Variants in RFTN1 observed in about 807,000 individuals in gnomAD.
The protein encoded by RFTN1 is raftlin.
A neutral mutation model predicts 46.5 loss-of-function variants in RFTN1; 26 were observed. The observed-to-expected ratio is 0.56, with a 90% confidence interval of 0.41 to 0.78. RFTN1 has a LOEUF of 0.78. RFTN1 is among the 30% of genes least tolerant of loss of function. The probability of loss-of-function intolerance (pLI) is 0.00; values close to 1 mark genes in which losing one functional copy is unlikely to be tolerated. For missense variants in RFTN1, 693 were observed against 718.7 expected (o/e 0.96, Z 0.41); for synonymous variants, 261 against 284.2 (o/e 0.92, Z 0.82).
chr3:16,345,817 T>TGTGCGCGCGCGCGCGTGC lies in RFTN1; in HGVS notation c.1146+12114_1146+12115insGCACGCGCGCGCGCGCAC, dbSNP rs1160939614. Among the ~76,000 whole-genome samples, 1 of 74,540 alleles carries TGTGCGCGCGCGCGCGTGC rather than the reference T, an allele frequency of 1.3e-5. No homozygotes were observed. Among genetic ancestry groups the TGTGCGCGCGCGCGCGTGC allele is most frequent in the African/African-American group, 5.5e-5 (1 of 18,090 alleles). The allele number at this position is 74,540 out of a possible 152,430, so 48.9% of individuals were successfully genotyped here. On this transcript the variant is annotated intron_variant, in intron 7 of 9. Coordinates refer to ENST00000334133, the MANE Select transcript of RFTN1 (RefSeq NM_015150.2). This position sits in a 1 kb window ranked among gnomAD's most constrained non-coding sequence, Gnocchi z 5.2. ...GTGTGTGTGTGTGTGTGTGTGTGTG[T>TGTGCGCGCGCGCGCGTGC]GCGCGCGCGCGTGCGCGCACGCGCA...
At position 16,374,609 on chromosome 3, in the gene RFTN1, G is replaced by A. The variant is rs1282489444; in HGVS notation, c.826+3109C>T. 6.6e-6 allele frequency among the ~76,000 whole-genome samples: 1 copy of A among 152,200 alleles called. No homozygotes were observed. The highest frequency in any genetic ancestry group is 6.5e-5 in the Admixed American group (1 of 15,286). On this transcript the variant is annotated intron_variant, in intron 5 of 9. Transcript: ENST00000334133. This position sits in a 1 kb window ranked among gnomAD's most constrained non-coding sequence, Gnocchi z 5.4. Reference sequence around the variant, plus strand: ...TGACATTTCTAAGCATTTTAAGTGAGGAGGTGCAGGGTAGGAAGGGCAGTG... The same window carrying A: ...TGACATTTCTAAGCATTTTAAGTGAAGAGGTGCAGGGTAGGAAGGGCAGTG...
intron 6 of RFTN1, among the ~76,000 whole-genome samples, chr3:16,363,646 TG>T (rs1191117850): frequency 6.6e-6 from 1 of 152,270 alleles, no homozygotes; most frequent in East Asian, 1.9e-4. Flanking sequence ...AAGTCTAGCC[TG>T]AATGTGCATG....
rs534734224 is a variant in RFTN1, at chr3:16,451,864, G to T, written c.146-17827C>A. Among the ~76,000 whole-genome samples the T allele has an allele frequency of 1.3e-5, 2 of 152,024 alleles. No individual in the cohort carries two copies. Among genetic ancestry groups the T allele is most frequent in the Non-Finnish European group, 2.9e-5 (2 of 68,032 alleles). ...TTTACAGCTTCATTTTGGCATATCC[G>T]AATTGCCAGCATCACTAGCTTTGTG... On this transcript the variant is annotated intron_variant, in intron 2 of 9. Coordinates refer to ENST00000334133, the MANE Select transcript of RFTN1 (RefSeq NM_015150.2). This position sits in a 1 kb window ranked among gnomAD's most constrained non-coding sequence, Gnocchi z 4.2.
In RFTN1 at chr3:16,448,229, G is replaced by C. The variant is rs2075768072; in HGVS notation, c.146-14192C>G. Among the ~76,000 whole-genome samples the C allele has an allele frequency of 6.6e-6, 1 of 151,596 alleles. No homozygotes were observed. Among genetic ancestry groups the C allele is most frequent in the Non-Finnish European group, 1.5e-5 (1 of 67,954 alleles). On this transcript the variant is annotated intron_variant, in intron 2 of 9. Transcript: ENST00000334133. The surrounding 1 kb of genome is among the most constrained non-coding windows in gnomAD (Gnocchi z 4.1). ...TAAAATATATCATGAAAATTAACTT[G>C]CCTGTTTTTATTTTTTAATGTGGTT...
Position 16,480,226 on chromosome 3 carries a change from T to TAAG in RFTN1, c.145+13498_145+13499insCTT, listed in dbSNP as rs1559368218. ...TGGGAATATATTATTATACCTATCT[T>TAAG]GTGTCAAAGCAACATGCATTCCTTA... On this transcript the variant is annotated intron_variant, in intron 2 of 9. Transcript: ENST00000334133. The surrounding 1 kb of genome is among the most constrained non-coding windows in gnomAD (Gnocchi z 4.3). Among the ~76,000 whole-genome samples, 3 of 152,246 alleles carry TAAG rather than the reference T, an allele frequency of 2.0e-5. No homozygotes were observed. The highest frequency in any genetic ancestry group is 2.9e-5 in the Non-Finnish European group (2 of 68,042).
intron 4 of RFTN1, among the ~76,000 whole-genome samples, chr3:16,395,643 C>CT (rs1209300259): frequency 6.6e-6 from 1 of 152,144 alleles, no homozygotes; most frequent in African/African-American, 2.4e-5. Context: ...GAGACAGGGT[C>CT]TTGCTATGTT....
chr3:16,431,648 C>G (rs535812871), intron 3 of RFTN1, among the ~76,000 whole-genome samples: 1 of 152,184 alleles, frequency 6.6e-6, no homozygotes, highest in East Asian at 1.9e-4. Flanking sequence ...TAAGGCCACT[C>G]GGATAATCTG....
chr3:16,464,817 C>G (rs2076062809), intron 2 of RFTN1, among the ~76,000 whole-genome samples: 1 of 152,218 alleles, frequency 6.6e-6, no homozygotes, highest in African/African-American at 2.4e-5. Flanking sequence ...CCCACAAAGC[C>G]CAAAATATTT....
At chr3:16,325,475 T>C (rs2069599799) in intron 8 of RFTN1, among the ~76,000 whole-genome samples, 1 of 152,236 alleles carries the variant, frequency 6.6e-6, no homozygotes, top group African/African-American at 2.4e-5. Context: ...AAATACATTC[T>C]GAGTCTTGTC....
rs2125514782 is a variant in RFTN1, at chr3:16,442,607, A to G, written c.146-8570T>C. On this transcript the variant is annotated intron_variant, in intron 2 of 9. Coordinates refer to ENST00000334133, the MANE Select transcript of RFTN1 (RefSeq NM_015150.2). This position sits in a 1 kb window ranked among gnomAD's most constrained non-coding sequence, Gnocchi z 4.1. ...TGCGTGGTAAGAGTACCTAAAATCTATTCCCTGAGCAGATCTCCAGTACGC... is the reference window on the plus strand; with the variant it reads ...TGCGTGGTAAGAGTACCTAAAATCTGTTCCCTGAGCAGATCTCCAGTACGC... 6.6e-6 allele frequency among the ~76,000 whole-genome samples: 1 copy of G among 152,242 alleles called. No individual in the cohort carries two copies. The highest frequency in any genetic ancestry group is 1.9e-4 in the East Asian group (1 of 5,184).
At chr3:16,462,568 A>T (rs905638492) in intron 2 of RFTN1, among the ~76,000 whole-genome samples, 1 of 152,248 alleles carries the variant, frequency 6.6e-6, no homozygotes, top group Non-Finnish European at 1.5e-5. Context: ...ATATGAAGAC[A>T]GAGCAGAGAG....
In RFTN1 at chr3:16,452,174, C is replaced by T. The variant is rs2075831680; in HGVS notation, c.146-18137G>A. Among the ~76,000 whole-genome samples, 1 of 151,750 alleles carries T rather than the reference C, an allele frequency of 6.6e-6. No individual in the cohort carries two copies. Among genetic ancestry groups the T allele is most frequent in the Non-Finnish European group, 1.5e-5 (1 of 67,968 alleles). ...TGGAAACACGGTTGACTATAGGTAA[C>T]CAAAACCACAGAAAATGAAACCAAG... On this transcript the variant is annotated intron_variant, in intron 2 of 9. Coordinates refer to ENST00000334133, the MANE Select transcript of RFTN1 (RefSeq NM_015150.2). This position sits in a 1 kb window ranked among gnomAD's most constrained non-coding sequence, Gnocchi z 6.3.
chr3:16,412,715 C>G (rs2075001158), intron 3 of RFTN1, among the ~76,000 whole-genome samples: 1 of 152,244 alleles, frequency 6.6e-6, no homozygotes, highest in African/African-American at 2.4e-5. Context: ...TGATGGATGT[C>G]ACTCCTGTGA....
At chr3:16,464,515 C>A (rs1426799610) in intron 2 of RFTN1, among the ~76,000 whole-genome samples, 1 of 152,192 alleles carries the variant, frequency 6.6e-6, no homozygotes, top group African/African-American at 2.4e-5. Flanking sequence ...ACAGAAATTT[C>A]TCCTTTATAT....
intron 7 of RFTN1, among the ~76,000 whole-genome samples, chr3:16,328,194 A>G (rs2069925764): frequency 6.6e-6 from 1 of 152,256 alleles, no homozygotes; most frequent in Non-Finnish European, 1.5e-5. Flanking sequence ...GAATGCCAGC[A>G]GAGGTGGGAG....
chr3:16,376,631 G>T lies in RFTN1; in HGVS notation c.826+1087C>A, dbSNP rs1392994640. Among the ~76,000 whole-genome samples, 1 of 152,182 alleles carries T rather than the reference G, an allele frequency of 6.6e-6. No individual in the cohort carries two copies. The highest frequency in any genetic ancestry group is 1.9e-4 in the East Asian group (1 of 5,192). On this transcript the variant is annotated intron_variant, in intron 5 of 9. Coordinates refer to ENST00000334133, the MANE Select transcript of RFTN1 (RefSeq NM_015150.2). The surrounding 1 kb of genome is among the most constrained non-coding windows in gnomAD (Gnocchi z 4.7). ...GCCTCAAACAGCGAAAAATCACACA[G>T]ATGAAGGGCTCTACTTCAGTGCATA...
chr3:16,331,308 C>T (rs1414817720), intron 7 of RFTN1, among the ~76,000 whole-genome samples: 1 of 152,190 alleles, frequency 6.6e-6, no homozygotes, highest in East Asian at 1.9e-4. Flanking sequence ...TTTAGGTATC[C>T]TAATTTTCTA....
chr3:16,402,486 T>G lies in RFTN1; in HGVS notation c.441+6889A>C, dbSNP rs1291572375. On this transcript the variant is annotated intron_variant, in intron 4 of 9. Transcript: ENST00000334133. This position sits in a 1 kb window ranked among gnomAD's most constrained non-coding sequence, Gnocchi z 4.5. ...ACTATTCTCTTGGTTTGTGGGTGGG[T>G]TCTGGTGCAGCAAGCACAGGAGAGC... is the stretch of plus-strand genomic sequence containing the variant. 6.6e-6 allele frequency among the ~76,000 whole-genome samples: 1 copy of G among 152,102 alleles called. No individual in the cohort carries two copies. The highest frequency in any genetic ancestry group is 1.5e-5 in the Non-Finnish European group (1 of 68,014).
Position 16,385,057 on chromosome 3 carries a change from T to G in RFTN1, c.442-6955A>C, listed in dbSNP as rs1306199424. Among the ~76,000 whole-genome samples the G allele has an allele frequency of 6.6e-6, 1 of 152,104 alleles. No individual in the cohort carries two copies. Among genetic ancestry groups the G allele is most frequent in the Non-Finnish European group, 1.5e-5 (1 of 68,030 alleles). On this transcript the variant is annotated intron_variant, in intron 4 of 9. Coordinates refer to ENST00000334133, the MANE Select transcript of RFTN1 (RefSeq NM_015150.2). This position sits in a 1 kb window ranked among gnomAD's most constrained non-coding sequence, Gnocchi z 5.0. ...GACCACTGCCCACTCCGGCCCTCCCTCATAACTCACACGCCCCCGATCCGT... is the reference window on the plus strand; with the variant it reads ...GACCACTGCCCACTCCGGCCCTCCCGCATAACTCACACGCCCCCGATCCGT...
Sources: gnomAD v4.1 joint callset for allele counts (sites outside exome capture counted in the v4.1 genomes callset) on GRCh38, gnomAD v4.1.1 for gene constraint, Gnocchi (gnomAD v3.1) non-coding constraint, MANE v1.5 for transcripts, NCBI Gene and HGNC (gene_info 2026-07-23, HGNC 2026-07-21) for gene names.